The following LIN7A variants were observed in gnomAD, a reference collection of about 807,000 sequenced individuals.
The protein encoded by LIN7A is protein lin-7 homolog A.
LIN7A carries 25 observed loss-of-function variants against 29.8 expected under a neutral mutation model. The ratio of observed to expected loss-of-function variants is 0.84; its 90% confidence interval spans 0.61 to 1.17. The LOEUF is 1.17. Among genes scored for constraint, LIN7A ranks in the 50% most tolerant of loss-of-function variants. The pLI, the probability that LIN7A is intolerant of heterozygous loss-of-function variation, is 0.00. For synonymous variants in LIN7A, 118 were observed against 107.5 expected (o/e 1.10, Z -0.60); for missense variants, 239 against 287.0 (o/e 0.83, Z 1.21).
chr12:80,937,482 G>T, intron 1 of LIN7A, 159 bp downstream of exon 1: 1 of 436,706 alleles, frequency 2.3e-6, no homozygotes, highest in Non-Finnish European at 4.0e-6. Context: ...GAAAGGGGAA[G>T]AAAGTGTTCT....
chr12:80,798,837 A>T (rs1870582449), intron 5 of LIN7A, among the ~76,000 whole-genome samples: 1 of 150,038 alleles, frequency 6.7e-6, no homozygotes, highest in Non-Finnish European at 1.5e-5. Flanking sequence ...GACTCAAGCG[A>T]TTCTTCTGCC....
Position 80,837,523 on chromosome 12 carries a change from C to A in LIN7A, c.483+8207G>T, listed in dbSNP as rs540711450. Among the ~76,000 whole-genome samples, 17 of 152,194 alleles carry A rather than the reference C, an allele frequency of 1.1e-4. No individual in the cohort carries two copies. In the South Asian group the frequency reaches 2.7e-3, roughly 24 times the overall value. On this transcript the variant is annotated intron_variant, in intron 4 of 5. Transcript: ENST00000552864. The stretch of plus-strand genomic sequence containing the variant: ...TGCAGTCACCAGAAGCTGAAGGGAG[C>A]AAGGAACAGATTCCCCAATAGCACC...
intron 5 of LIN7A, among the ~76,000 whole-genome samples, chr12:80,810,233 G>A (rs1250427678): frequency 1.3e-5 from 2 of 152,090 alleles, no homozygotes; most frequent in Admixed American, 6.5e-5. Flanking sequence ...CTACTTCTAT[G>A]AATTAAAGTT....
intron 1 of LIN7A, among the ~76,000 whole-genome samples, chr12:80,935,344 C>T (rs1878149697): frequency 2.0e-5 from 3 of 152,112 alleles, no homozygotes; most frequent in Non-Finnish European, 4.4e-5. Context: ...TGGAAAATCT[C>T]CCAGTAGGTG....
chr12:80,818,440 A>G (rs984025267), intron 4 of LIN7A, among the ~76,000 whole-genome samples: 9 of 152,370 alleles, frequency 5.9e-5, no homozygotes, highest in South Asian at 2.1e-4. Flanking sequence ...GAAAAGGTTA[A>G]GAAATGTGTC....
chr12:80,929,139 CA>C (rs1198221770), intron 1 of LIN7A, among the ~76,000 whole-genome samples: 4 of 152,052 alleles, frequency 2.6e-5, no homozygotes, highest in Admixed American at 6.5e-5. Flanking sequence ...CCTTCAATGG[CA>C]AAAACCTCAA....
At chr12:80,856,201 CAAG>C (rs1873588761) in intron 2 of LIN7A, among the ~76,000 whole-genome samples, 1 of 152,130 alleles carries the variant, frequency 6.6e-6, no homozygotes, top group South Asian at 2.1e-4. Flanking sequence ...AGTGAAAATC[CAAG>C]AAGGATAGAA....
At chr12:80,862,761 C>T (rs1873940086) in intron 2 of LIN7A, among the ~76,000 whole-genome samples, 1 of 152,144 alleles carries the variant, frequency 6.6e-6, no homozygotes, top group African/African-American at 2.4e-5. Context: ...TGGCAAAAAG[C>T]CCACTTCATT....
intron 1 of LIN7A, 137 bp from the exon 2 acceptor site, chr12:80,889,506 G>A (rs1206849574): frequency 6.6e-6 from 4 of 605,684 alleles, no homozygotes; most frequent in African/African-American, 1.9e-5. Context: ...TATATTCATA[G>A]CTTTTTGGTC....
rs1442396897 is a variant in LIN7A, at chr12:80,795,839, A to G, written c.*1888T>C. ...TCGTCTCCATTCATTCCCTTTTATCATGCTTGTCCTTTTTGTAAATCTATT... is the reference window on the plus strand; with the variant it reads ...TCGTCTCCATTCATTCCCTTTTATCGTGCTTGTCCTTTTTGTAAATCTATT... On this transcript the variant is annotated 3_prime_UTR_variant, in exon 6 of 6. Transcript: ENST00000552864. The G allele has an allele frequency of 1.3e-5, 2 of 152,088 alleles. No homozygotes were observed. Among genetic ancestry groups the G allele is most frequent in the Non-Finnish European group, 2.9e-5 (2 of 67,980 alleles). 9.4% of individuals were successfully genotyped at this position (152,088 alleles called of 1,614,324 possible).
intron 2 of LIN7A, among the ~76,000 whole-genome samples, chr12:80,873,921 G>A (rs1344008614): frequency 7.0e-6 from 1 of 143,082 alleles, no homozygotes; most frequent in Admixed American, 7.1e-5. Context: ...CTGCTATTTT[G>A]CCCTACAACT....
chr12:80,937,619 G>C (rs777579983), intron 1 of LIN7A, 22 bp downstream of exon 1: 14 of 1,458,058 alleles, frequency 9.6e-6, no homozygotes, highest in Non-Finnish European at 1.3e-5. Context: ...GCGGTGGCCT[G>C]GCGAGCGAGC....
At chr12:80,843,964 G>A (rs1365918713) in intron 4 of LIN7A, among the ~76,000 whole-genome samples, 7 of 151,158 alleles carry the variant, frequency 4.6e-5, no homozygotes, top group African/African-American at 1.5e-4. Flanking sequence ...AGTCAACCAC[G>A]TATTAAATTT....
At chr12:80,877,283 C>T (rs897273086) in intron 2 of LIN7A, among the ~76,000 whole-genome samples, 1 of 151,992 alleles carries the variant, frequency 6.6e-6, no homozygotes, top group African/African-American at 2.4e-5. Context: ...ACTCAAATGT[C>T]CATCTATAAG....
intron 4 of LIN7A, among the ~76,000 whole-genome samples, chr12:80,830,002 G>A (rs898900153): frequency 6.6e-6 from 1 of 152,156 alleles, no homozygotes; most frequent in African/African-American, 2.4e-5. Context: ...ACAGGCTGAA[G>A]TCTTTCAGCC....
At chr12:80,937,619 G>T in intron 1 of LIN7A, 22 bp downstream of exon 1, 1 of 1,458,058 alleles carries the variant, frequency 6.9e-7, no homozygotes, top group Non-Finnish European at 9.2e-7. Context: ...GCGGTGGCCT[G>T]GCGAGCGAGC....
At chr12:80,843,376 G>A (rs1004640334) in intron 4 of LIN7A, among the ~76,000 whole-genome samples, 7 of 152,112 alleles carry the variant, frequency 4.6e-5, no homozygotes, top group South Asian at 2.1e-4. Flanking sequence ...TCTGCCTCAC[G>A]TGAACCTTTT....
chr12:80,812,531 G>GT (rs77509769), intron 4 of LIN7A, among the ~76,000 whole-genome samples: 38 of 149,488 alleles, frequency 2.5e-4, no homozygotes, highest in African/African-American at 8.6e-4. Flanking sequence ...GTGCAAAAGG[G>GT]TTTTTTTTCT....
chr12:80,932,833 G>A (rs1389156506), intron 1 of LIN7A, among the ~76,000 whole-genome samples: 2 of 152,132 alleles, frequency 1.3e-5, no homozygotes, highest in African/African-American at 2.4e-5. Flanking sequence ...TAATATCCAC[G>A]TGTTAAGTAT....
Sources: gnomAD v4.1 joint callset for allele counts (sites outside exome capture counted in the v4.1 genomes callset) on GRCh38, gnomAD v4.1.1 for gene constraint, MANE v1.5 for transcripts, NCBI Gene and HGNC (gene_info 2026-07-23, HGNC 2026-07-21) for gene names.